The following CD58 variants were observed in gnomAD, a reference collection of about 807,000 sequenced individuals.
CD58 encodes the protein CD58 molecule, also known as lymphocyte function-associated antigen 3.
In CD58, 14 loss-of-function variants were observed where a neutral mutation model predicts 27.6. The observed-to-expected ratio is 0.51, with a 90% CI of 0.34 to 0.79. The LOEUF is 0.79. CD58 is among the 30% of genes least tolerant of loss of function. CD58 has a pLI of 0.02. For synonymous variants in CD58, 117 were observed against 103.8 expected, an observed-to-expected ratio of 1.13 and a Z score of -0.77; for missense variants, 268 against 301.7, an observed-to-expected ratio of 0.89 and a Z score of 0.83.
rs1657740806 is a variant in CD58, at chr1:116,534,950, C to T, written c.628+1015G>A. Among the ~76,000 whole-genome samples, 1 of 152,066 alleles carries T rather than the reference C, an allele frequency of 6.6e-6. No individual in the cohort carries two copies. Among genetic ancestry groups the T allele is most frequent in the South Asian group, 2.1e-4 (1 of 4,822 alleles). ...CTAGAGACTCATATTCTCTATTTGC[C>T]CTGGAATCCTGTTCACTATTTACAA... On this transcript the variant is annotated intron_variant, in intron 3 of 5. Coordinates refer to ENST00000369489, the MANE Select transcript of CD58 (RefSeq NM_001779.3). The surrounding 1 kb of genome is among the most constrained non-coding windows in gnomAD (Gnocchi z 5.3).
Position 116,534,175 on chromosome 1 carries a change from A to C in CD58, c.628+1790T>G, listed in dbSNP as rs1048778891. On this transcript the variant is annotated intron_variant, in intron 3 of 5. Transcript: ENST00000369489. The surrounding 1 kb of genome is among the most constrained non-coding windows in gnomAD (Gnocchi z 5.3). ...GCACTCAGGCCAGTCCTCGGGGAGC[A>C]CACGCCGCCCATCTGGCTCGCACCG... The C allele has an allele frequency of 3.0e-4, 189 of 620,350 alleles. 1 individual carries two copies. Among genetic ancestry groups the C allele is most frequent in the South Asian group, 1.3e-4 (8 of 61,614 alleles). 38.4% of individuals were successfully genotyped at this position (620,350 alleles called of 1,614,324 possible). A position where few individuals can be genotyped will look rare whatever the true frequency, so the allele number is the denominator to read the frequency against.
rs141094346 is a variant in CD58, at chr1:116,547,986, C to T, written c.71-3382G>A. ...CTATTATTTTTTGATTTTTAAATTA[C>T]GGCCATTCTTGCAGGAGTAAGGTGG... On this transcript the variant is annotated intron_variant, in intron 1 of 5. Transcript: ENST00000369489. Among the ~76,000 whole-genome samples, 52 of 152,246 alleles carry T rather than the reference C, an allele frequency of 3.4e-4. No homozygotes were observed. The East Asian group carries it at 7.9e-3, about 23-fold the overall frequency.
chr1:116,564,183 T>C (rs1658858433), intron 1 of CD58, among the ~76,000 whole-genome samples: 1 of 152,200 alleles, frequency 6.6e-6, no homozygotes, highest in Non-Finnish European at 1.5e-5. Context: ...ACAGGCAAAA[T>C]GCTGCCAGTC....
At chr1:116,542,717 A>C (rs1658031243) in intron 2 of CD58, among the ~76,000 whole-genome samples, 1 of 152,166 alleles carries the variant, frequency 6.6e-6, no homozygotes, top group Non-Finnish European at 1.5e-5. Flanking sequence ...CGAGGACGGC[A>C]AGAGGAGGTG....
At chr1:116,569,568 T>C (rs1297677437) in intron 1 of CD58, among the ~76,000 whole-genome samples, 2 of 151,510 alleles carry the variant, frequency 1.3e-5, no homozygotes, top group African/African-American at 4.9e-5. Context: ...GAGACTGCCT[T>C]CTTCTTCCCT....
At chr1:116,558,340 T>G (rs1658648534) in intron 1 of CD58, among the ~76,000 whole-genome samples, 1 of 152,168 alleles carries the variant, frequency 6.6e-6, no homozygotes, top group South Asian at 2.1e-4. Flanking sequence ...GATGGATTTC[T>G]CATCTGGATA....
At chr1:116,539,354 G>A (rs891428813) in intron 2 of CD58, among the ~76,000 whole-genome samples, 2 of 152,158 alleles carry the variant, frequency 1.3e-5, no homozygotes, top group African/African-American at 4.8e-5. Flanking sequence ...GGAGCTGGAA[G>A]AGTTTTAAGA....
intron 2 of CD58, among the ~76,000 whole-genome samples, chr1:116,539,333 C>T (rs1402058735): frequency 6.6e-6 from 1 of 152,174 alleles, no homozygotes; most frequent in African/African-American, 2.4e-5. Flanking sequence ...CCTGGGGCCA[C>T]AGTCCTTTTA....
At chr1:116,542,526 C>A (rs1286644066) in intron 2 of CD58, among the ~76,000 whole-genome samples, 1 of 152,168 alleles carries the variant, frequency 6.6e-6, no homozygotes, top group African/African-American at 2.4e-5. Context: ...TGAATATGGA[C>A]AACTTCTTCA....
At position 116,521,663 on chromosome 1, in the gene CD58, C is replaced by T. The variant is rs1657265259; in HGVS notation, c.706+243G>A. The T allele has an allele frequency of 2.5e-6, 1 of 404,260 alleles. No individual in the cohort carries two copies. Among genetic ancestry groups the T allele is most frequent in the Non-Finnish European group, 4.6e-6 (1 of 217,594 alleles). The allele number at this position is 404,260 out of a possible 1,614,324, so 25.0% of individuals were successfully genotyped here. Reference sequence around the variant, plus strand: ...GGTAAAAGGAGGCTATGCAACAGGTCCAGGCTGTGTTCCCAGGCCTGTAAA... The same window carrying T: ...GGTAAAAGGAGGCTATGCAACAGGTTCAGGCTGTGTTCCCAGGCCTGTAAA... On this transcript the variant is annotated intron_variant, in intron 4 of 5. Transcript: ENST00000369489. This position sits in a 1 kb window ranked among gnomAD's most constrained non-coding sequence, Gnocchi z 5.6.
chr1:116,528,297 C>A lies in CD58; in HGVS notation c.629-6314G>T, dbSNP rs1657488483. On this transcript the variant is annotated intron_variant, in intron 3 of 5. Transcript: ENST00000369489. This position sits in a 1 kb window ranked among gnomAD's most constrained non-coding sequence, Gnocchi z 4.4. ...CATTTCTTTCCTTCTTCTCCTTTTT[C>A]CTATTTCCGCATATTTTTGTGTTTC... Among the ~76,000 whole-genome samples the A allele has an allele frequency of 6.6e-6, 1 of 152,080 alleles. No homozygotes were observed. Among genetic ancestry groups the A allele is most frequent in the Non-Finnish European group, 1.5e-5 (1 of 68,010 alleles).
At chr1:116,520,172 G>A (rs1476928571) in intron 4 of CD58, among the ~76,000 whole-genome samples, 1 of 152,178 alleles carries the variant, frequency 6.6e-6, no homozygotes, top group Non-Finnish European at 1.5e-5. Flanking sequence ...CATCACCCAG[G>A]CTGGAGTGCA....
At position 116,570,221 on chromosome 1, in the gene CD58, G is replaced by A. The variant is rs1659093428; in HGVS notation, c.70+682C>T. Among the ~76,000 whole-genome samples, 1 of 152,188 alleles carries A rather than the reference G, an allele frequency of 6.6e-6. No individual in the cohort carries two copies. Among genetic ancestry groups the A allele is most frequent in the Non-Finnish European group, 1.5e-5 (1 of 68,026 alleles). On this transcript the variant is annotated intron_variant, in intron 1 of 5. Transcript: ENST00000369489. This position sits in a 1 kb window ranked among gnomAD's most constrained non-coding sequence, Gnocchi z 6.4. Reference sequence around the variant, plus strand: ...GGGAAGAAGGGGACCTATTTCCTGAGGTTGTTGTGACGACTTGGCTGACAA... The same window carrying A: ...GGGAAGAAGGGGACCTATTTCCTGAAGTTGTTGTGACGACTTGGCTGACAA...
intron 1 of CD58, among the ~76,000 whole-genome samples, chr1:116,568,551 T>C (rs1489838493): frequency 1.3e-5 from 2 of 152,256 alleles, no homozygotes; most frequent in Non-Finnish European, 2.9e-5. Flanking sequence ...ATGTTTTTAC[T>C]CATTTACTTA....
rs1438286304 is a variant in CD58, at chr1:116,516,741, C to T, written c.744-1919G>A. Among the ~76,000 whole-genome samples, 3 of 152,182 alleles carry T rather than the reference C, an allele frequency of 2.0e-5. No homozygotes were observed. Among genetic ancestry groups the T allele is most frequent in the Non-Finnish European group, 4.4e-5 (3 of 68,042 alleles). On this transcript the variant is annotated intron_variant, in intron 5 of 5. Transcript: ENST00000369489. The surrounding 1 kb of genome is among the most constrained non-coding windows in gnomAD (Gnocchi z 6.1). The stretch of plus-strand genomic sequence containing the variant: ...TATTCTGGCCTCTCCAATTCCTCTG[C>T]GTTGGTTGCTCAGCCCTTACCCTCA...
intron 1 of CD58, among the ~76,000 whole-genome samples, chr1:116,564,207 A>G (rs963887207): frequency 6.6e-6 from 1 of 152,218 alleles, no homozygotes. Context: ...TTGCTAAAAC[A>G]TATTAAGAGT....
rs2101152960 is a variant in CD58, at chr1:116,519,482, C to A, written c.707-215G>T. On this transcript the variant is annotated intron_variant, in intron 4 of 5. Transcript: ENST00000369489. The surrounding 1 kb of genome is among the most constrained non-coding windows in gnomAD (Gnocchi z 4.7). ...AATTGGTCAGAACATGATAGAAAAC[C>A]AAATGCAAAAACTGTTGACAAAATG... Among the ~76,000 whole-genome samples, 2 of 152,196 alleles carry A rather than the reference C, an allele frequency of 1.3e-5. No homozygotes were observed. The highest frequency in any genetic ancestry group is 6.8e-3 in the Middle Eastern group (2 of 294).
Position 116,518,957 on chromosome 1 carries a change from C to A in CD58, c.743+274G>T, listed in dbSNP as rs1571055806. The A allele has an allele frequency of 5.3e-6, 5 of 949,772 alleles. No homozygotes were observed. The East Asian group carries it at 1.6e-4, about 31-fold the overall frequency. 58.8% of individuals were successfully genotyped at this position (949,772 alleles called of 1,614,324 possible). A position where few individuals can be genotyped will look rare whatever the true frequency, so the allele number is the denominator to read the frequency against. Reference sequence around the variant, plus strand: ...GATATCTCACTTGACTTCTATGAATCTCATATGCGCTGTCTCTAAGCAAGG... The same window carrying A: ...GATATCTCACTTGACTTCTATGAATATCATATGCGCTGTCTCTAAGCAAGG... On this transcript the variant is annotated intron_variant, in intron 5 of 5. Transcript: ENST00000369489.
chr1:116,548,341 GT>G (rs770717169), intron 1 of CD58, among the ~76,000 whole-genome samples: 2 of 108,318 alleles, frequency 1.8e-5, no homozygotes, highest in South Asian at 7.1e-4. Flanking sequence ...TGTTGCATTT[GT>G]TTTTGGGTTC....
Sources: allele counts gnomAD v4.1 joint callset (sites outside exome capture counted in the v4.1 genomes callset), GRCh38; gene constraint gnomAD v4.1.1; non-coding constraint Gnocchi (gnomAD v3.1); transcripts MANE v1.5; gene names NCBI Gene and HGNC (gene_info 2026-07-23, HGNC 2026-07-21).